KIAA1328: variants seen among roughly 807,000 people sequenced by gnomAD.
The protein encoded by KIAA1328 is KIAA1328.
In KIAA1328, 52 loss-of-function variants were observed where a neutral mutation model predicts 68.1. The observed-to-expected ratio is 0.76, with a 90% CI of 0.61 to 0.96. The LOEUF is 0.96. Ranked by LOEUF, KIAA1328 falls within the 40% of genes least tolerant of loss-of-function variation. The pLI, the probability that KIAA1328 is intolerant of heterozygous loss-of-function variation, is 0.00. For synonymous variants in KIAA1328, 232 were observed against 239.4 expected (o/e 0.97, Z 0.28); for missense variants, 641 against 677.6 (o/e 0.95, Z 0.60).
chr18:37,055,423 G>A (rs1174321889), intron 6 of KIAA1328, among the ~76,000 whole-genome samples: 2 of 152,154 alleles, frequency 1.3e-5, no homozygotes, highest in Non-Finnish European at 2.9e-5. Flanking sequence ...TATAACACCT[G>A]TAAGTATTTA....
intron 4 of KIAA1328, among the ~76,000 whole-genome samples, chr18:36,882,508 A>G (rs749927994): frequency 6.6e-6 from 1 of 152,326 alleles, no homozygotes; most frequent in Non-Finnish European, 1.5e-5. Flanking sequence ...CAAAGAAGCC[A>G]TGCATATCTT....
chr18:37,067,307 C>T lies in KIAA1328; in HGVS notation c.994C>T (p.Pro332Ser). The T allele has an allele frequency of 5.6e-6, 9 of 1,613,958 alleles. No individual in the cohort carries two copies. The highest frequency in any genetic ancestry group is 7.6e-6 in the Non-Finnish European group (9 of 1,179,884). The change falls in exon 7 of 10, where the codon CCA (proline) becomes TCA (serine). Residue 332 changes from proline (P) to serine (S), a missense_variant. Coordinates refer to ENST00000280020, the MANE Select transcript of KIAA1328 (RefSeq NM_020776.3). ...NMTPQHPKTH[P>S]ESCSYCRLSW... ...GACCCCTCAACATCCTAAGACACAT[C>T]CAGAATCATGCAGTTATTGTCGGCT... is the stretch of plus-strand genomic sequence containing the variant.
intron 7 of KIAA1328, among the ~76,000 whole-genome samples, chr18:37,087,744 G>A (rs1351209141): frequency 1.3e-5 from 2 of 152,092 alleles, no homozygotes; most frequent in African/African-American, 2.4e-5. Context: ...TAAATCTCTT[G>A]CAGGTGTGAG....
intron 9 of KIAA1328, among the ~76,000 whole-genome samples, chr18:37,189,819 A>G (rs1380149119): frequency 2.0e-5 from 3 of 152,164 alleles, no homozygotes; most frequent in Non-Finnish European, 4.4e-5. Context: ...AAGCACTTAT[A>G]TTTCTTTGGG....
At chr18:36,883,110 G>T (rs551488530) in intron 4 of KIAA1328, among the ~76,000 whole-genome samples, 47 of 151,866 alleles carry the variant, frequency 3.1e-4, no homozygotes, top group Non-Finnish European at 5.3e-4. Flanking sequence ...TTCTTCTTTC[G>T]TCGTGTCTTC....
At chr18:37,149,535 A>G (rs1401983085) in intron 7 of KIAA1328, among the ~76,000 whole-genome samples, 1 of 152,224 alleles carries the variant, frequency 6.6e-6, no homozygotes, top group African/African-American at 2.4e-5. Context: ...AATTACAACA[A>G]AAACAAAAAT....
intron 7 of KIAA1328, among the ~76,000 whole-genome samples, chr18:37,126,247 A>T (rs1373515927): frequency 6.6e-6 from 1 of 152,202 alleles, no homozygotes; most frequent in Non-Finnish European, 1.5e-5. Context: ...AATATTCCAA[A>T]ATCCAAAAGA....
intron 4 of KIAA1328, among the ~76,000 whole-genome samples, chr18:36,857,961 TG>T (rs550799405): frequency 4.6e-5 from 7 of 152,202 alleles, no homozygotes; most frequent in Non-Finnish European, 1.0e-4. Flanking sequence ...TTGAAAATAA[TG>T]TTTATTCTAT....
chr18:36,992,197 C>T (rs985288100), intron 6 of KIAA1328, among the ~76,000 whole-genome samples: 1 of 152,110 alleles, frequency 6.6e-6, no homozygotes, highest in African/African-American at 2.4e-5. Flanking sequence ...CCATCTTTGA[C>T]CAGTTTATAG....
intron 4 of KIAA1328, among the ~76,000 whole-genome samples, chr18:36,877,225 T>A (rs1836901066): frequency 6.6e-6 from 1 of 152,216 alleles, no homozygotes; most frequent in Non-Finnish European, 1.5e-5. Flanking sequence ...AAGTCCTGAA[T>A]ATCCTTGTTA....
chr18:36,902,882 C>G (rs1180161242), intron 5 of KIAA1328, among the ~76,000 whole-genome samples: 3 of 152,000 alleles, frequency 2.0e-5, no homozygotes, highest in Admixed American at 6.6e-5. Flanking sequence ...GATTTTTCAC[C>G]AAATGTATTT....
At chr18:36,851,746 C>T (rs2047218771) in intron 4 of KIAA1328, among the ~76,000 whole-genome samples, 1 of 142,742 alleles carries the variant, frequency 7.0e-6, no homozygotes, top group African/African-American at 2.6e-5. Flanking sequence ...TTTCAAAGTA[C>T]CAAGTTTTGT....
At chr18:36,846,031 G>A (rs1032809022) in intron 4 of KIAA1328, among the ~76,000 whole-genome samples, 2 of 151,502 alleles carry the variant, frequency 1.3e-5, no homozygotes, top group Admixed American at 1.3e-4. Flanking sequence ...AAGTATATGG[G>A]AATCATTTGT....
At chr18:37,154,927 T>A (rs2059121987) in intron 7 of KIAA1328, among the ~76,000 whole-genome samples, 1 of 152,174 alleles carries the variant, frequency 6.6e-6, no homozygotes, top group South Asian at 2.1e-4. Flanking sequence ...TGACCTATAC[T>A]ACATTAATAT....
chr18:36,953,417 GATAGAGAT>G lies in KIAA1328; in HGVS notation c.449-5889_449-5882del, dbSNP rs1425520015. On this transcript the variant is annotated intron_variant, in intron 5 of 9. Transcript: ENST00000280020. Reference sequence around the variant, plus strand: ...AGATAGATAGATAGATAGATAGATAGATAGAGATAGATAGATATATAAATGTATATAGA... The same window carrying G: ...AGATAGATAGATAGATAGATAGATAGAGATAGATATATAAATGTATATAGA... Among the ~76,000 whole-genome samples, 122 of 144,102 alleles carry G rather than the reference GATAGAGAT, an allele frequency of 8.5e-4. 1 individual carries two copies. The highest frequency in any genetic ancestry group is 7.9e-3 in the East Asian group (40 of 5,048). 94.5% of individuals were successfully genotyped at this position (144,102 alleles called of 152,430 possible).
chr18:37,142,168 G>T (rs1166278350), intron 7 of KIAA1328, among the ~76,000 whole-genome samples: 1 of 148,982 alleles, frequency 6.7e-6, no homozygotes, highest in East Asian at 1.9e-4. Flanking sequence ...ATGAGGTAGG[G>T]CTCAAGGTTC....
At chr18:37,076,316 T>A (rs1366205642) in intron 7 of KIAA1328, among the ~76,000 whole-genome samples, 1 of 152,124 alleles carries the variant, frequency 6.6e-6, no homozygotes, top group Non-Finnish European at 1.5e-5. Context: ...CCAGAATCTC[T>A]GGGACACATT....
intron 7 of KIAA1328, among the ~76,000 whole-genome samples, chr18:37,089,426 G>GT (rs1378609330): frequency 1.4e-5 from 2 of 143,448 alleles, no homozygotes; most frequent in Non-Finnish European, 3.0e-5. Context: ...CCGGGCTGGA[G>GT]TGCAGTGTCA....
intron 8 of KIAA1328, among the ~76,000 whole-genome samples, chr18:37,163,371 T>G (rs1258002040): frequency 6.6e-6 from 1 of 152,176 alleles, no homozygotes; most frequent in Non-Finnish European, 1.5e-5. Flanking sequence ...TTCCTCCTTT[T>G]TGTTCCTCCT....
Sources: gnomAD v4.1 joint callset for allele counts (sites outside exome capture counted in the v4.1 genomes callset) on GRCh38, gnomAD v4.1.1 for gene constraint, MANE v1.5 for transcripts, NCBI Gene and HGNC (gene_info 2026-07-23, HGNC 2026-07-21) for gene names.